The following PDS5A variants were observed in gnomAD, a reference collection of about 807,000 sequenced individuals.
PDS5A encodes sister chromatid cohesion protein PDS5 homolog A.
Under a neutral mutation model 167.1 loss-of-function variants are expected in PDS5A, and 42 were observed. The observed-to-expected ratio is 0.25, with a 90% CI of 0.20 to 0.33. The LOEUF is 0.33. PDS5A is among the 10% of genes least tolerant of loss of function. PDS5A has a pLI of 1.00. For missense variants in PDS5A, 1,033 were observed against 1,605.9 expected, an observed-to-expected ratio of 0.64 and a Z score of 6.10; for synonymous variants, 553 against 554.6, an observed-to-expected ratio of 1.00 and a Z score of 0.04.
chr4:39,841,198 G>A (rs1716976461), intron 31 of PDS5A, among the ~76,000 whole-genome samples: 1 of 152,184 alleles, frequency 6.6e-6, no homozygotes, highest in South Asian at 2.1e-4. Flanking sequence ...GGAGTGCAAT[G>A]GCACGATCTT....
chr4:39,833,737 CT>C (rs1170789356), intron 32 of PDS5A, among the ~76,000 whole-genome samples: 1 of 152,094 alleles, frequency 6.6e-6, no homozygotes, highest in African/African-American at 2.4e-5. Context: ...ACATCATGCC[CT>C]CCACATCAAT....
At chr4:39,901,562 G>A (rs941264505) in intron 13 of PDS5A, among the ~76,000 whole-genome samples, 1 of 152,002 alleles carries the variant, frequency 6.6e-6, no homozygotes, top group African/African-American at 2.4e-5. Flanking sequence ...TAGCCTCCAC[G>A]TCCGGCCTAA....
rs11316600 is a variant in PDS5A at position 39,977,380 on chromosome 4, GC to G, written c.-41+76del. ...GGCCCCACCGGGCCTCGGACCCGCG[GC>G]CCCCCCCTCCAGTCTCCCCTTCCGT... On this transcript the variant is annotated intron_variant, in intron 1 of 32. Transcript: ENST00000303538. The surrounding 1 kb of genome is among the most constrained non-coding windows in gnomAD (Gnocchi z 4.2). The G allele has an allele frequency of 0.075, 11,309 of 151,380 alleles. 490 individuals are homozygous for G. The highest frequency in any genetic ancestry group is 0.18 in the Middle Eastern group (53 of 294). 9.4% of individuals were successfully genotyped at this position (151,380 alleles called of 1,614,324 possible).
chr4:39,945,483 T>TAAAAAAAAAAAAAAAAA (rs770327279), intron 2 of PDS5A, among the ~76,000 whole-genome samples: 2 of 135,908 alleles, frequency 1.5e-5, no homozygotes, highest in Admixed American at 7.2e-5. Flanking sequence ...AAAAAAAAAT[T>TAAAAAAAAAAAAAAAAA]AAATGCAGGC....
At chr4:39,898,625 TAAAAGA>T in intron 15 of PDS5A, 97 bp from the exon 16 acceptor site, 1 of 956,464 alleles carries the variant, frequency 1.0e-6, no homozygotes, top group Non-Finnish European at 1.5e-6. Flanking sequence ...GCGGAGCCAC[TAAAAGA>T]AAATCAGCCT....
intron 2 of PDS5A, among the ~76,000 whole-genome samples, chr4:39,960,256 G>A (rs934843855): frequency 6.6e-6 from 1 of 152,102 alleles, no homozygotes; most frequent in Non-Finnish European, 1.5e-5. Flanking sequence ...GTGACGGAGT[G>A]AGACTCTGTC....
At chr4:39,944,705 A>C (rs991903470) in intron 2 of PDS5A, among the ~76,000 whole-genome samples, 16 of 151,796 alleles carry the variant, frequency 1.1e-4, no homozygotes, top group Non-Finnish European at 2.1e-4. Context: ...AAAAAAAAAA[A>C]AAAAAACAAA....
intron 26 of PDS5A, among the ~76,000 whole-genome samples, chr4:39,852,325 A>G (rs1718187608): frequency 6.6e-6 from 1 of 152,176 alleles, no homozygotes; most frequent in Non-Finnish European, 1.5e-5. Context: ...GCCATGTCTC[A>G]CTTCTGCATC....
chr4:39,907,788 G>A (rs62309184), intron 11 of PDS5A, among the ~76,000 whole-genome samples: 27,628 of 151,882 alleles, frequency 0.18, 3,261 homozygotes, highest in Admixed American at 0.26. Context: ...GGGTTTCACC[G>A]TGTTAGCCAG....
chr4:39,894,388 A>G (rs1722217436), intron 16 of PDS5A, among the ~76,000 whole-genome samples: 1 of 151,994 alleles, frequency 6.6e-6, no homozygotes, highest in African/African-American at 2.4e-5. Context: ...AGCCTGGGTG[A>G]CAGAGCAAGA....
intron 16 of PDS5A, among the ~76,000 whole-genome samples, chr4:39,895,598 C>CT (rs1348835666): frequency 6.6e-6 from 1 of 152,156 alleles, no homozygotes; most frequent in African/African-American, 2.4e-5. Context: ...CTACTGTAGA[C>CT]TTTATAAACA....
intron 27 of PDS5A, 67 bp downstream of exon 27, chr4:39,849,453 A>AC (rs1306769304): frequency 8.6e-7 from 1 of 1,163,538 alleles, no homozygotes; most frequent in Non-Finnish European, 1.2e-6. Flanking sequence ...AAAAAAAAAA[A>AC]AAACCAAGTG....
intron 22 of PDS5A, among the ~76,000 whole-genome samples, chr4:39,868,283 T>C (rs6531746): frequency 0.96 from 146,194 of 152,176 alleles, 70,257 homozygotes; most frequent in East Asian, 1. Flanking sequence ...GCCTCAGCTT[T>C]CTGAGTAGGT....
At chr4:39,917,283 G>C in intron 7 of PDS5A, 95 bp from the exon 8 acceptor site, 1 of 767,284 alleles carries the variant, frequency 1.3e-6, no homozygotes, top group Non-Finnish European at 2.0e-6. Flanking sequence ...AATTTAATTA[G>C]GTATTACATA....
chr4:39,826,040 A>C (rs1029447922), intron 32 of PDS5A, among the ~76,000 whole-genome samples: 1 of 152,188 alleles, frequency 6.6e-6, no homozygotes, highest in Non-Finnish European at 1.5e-5. Flanking sequence ...GCTGCTATCC[A>C]ATGCCCTATT....
intron 26 of PDS5A, among the ~76,000 whole-genome samples, chr4:39,853,688 C>T (rs1001933410): frequency 1.3e-5 from 2 of 152,202 alleles, no homozygotes; most frequent in Non-Finnish European, 2.9e-5. Flanking sequence ...TTATTACCAT[C>T]GTTTCTTTTA....
intron 2 of PDS5A, among the ~76,000 whole-genome samples, chr4:39,960,260 C>T (rs1341413004): frequency 6.6e-6 from 1 of 152,078 alleles, no homozygotes; most frequent in African/African-American, 2.4e-5. Context: ...CGGAGTGAGA[C>T]TCTGTCTCAA....
At chr4:39,925,679 G>A (rs61659774) in intron 5 of PDS5A, among the ~76,000 whole-genome samples, 157 bp downstream of exon 5, 3,786 of 152,104 alleles carry the variant, frequency 0.025, 164 homozygotes, top group East Asian at 0.18. Flanking sequence ...GGCAGTGTTC[G>A]GACAACAGAA....
chr4:39,924,731 G>A (rs965967352), intron 5 of PDS5A, among the ~76,000 whole-genome samples: 1 of 152,146 alleles, frequency 6.6e-6, no homozygotes, highest in Non-Finnish European at 1.5e-5. Context: ...CTATTAATGT[G>A]ACTACTAGAA....
Sources: allele counts gnomAD v4.1 joint callset (sites outside exome capture counted in the v4.1 genomes callset), GRCh38; gene constraint gnomAD v4.1.1; non-coding constraint Gnocchi (gnomAD v3.1); transcripts MANE v1.5; gene names NCBI Gene and HGNC (gene_info 2026-07-23, HGNC 2026-07-21).